Variants in SPIN1 observed in about 807,000 individuals in gnomAD.
The protein encoded by SPIN1 is spindlin 1.
SPIN1 carries 3 observed loss-of-function variants against 26.0 expected under a neutral mutation model. That is an observed-to-expected ratio of 0.12 (90% CI 0.05 to 0.30). The LOEUF (loss-of-function observed/expected upper bound fraction) is 0.30. Ranked by LOEUF, SPIN1 falls within the 10% of genes least tolerant of loss-of-function variation. The pLI is 1.00. For synonymous variants in SPIN1, 101 were observed against 116.5 expected, an observed-to-expected ratio of 0.87 and a Z score of 0.86; for missense variants, 126 against 333.4, an observed-to-expected ratio of 0.38 and a Z score of 4.84.
chr9:88,466,598 C>A (rs979094923), intron 4 of SPIN1, among the ~76,000 whole-genome samples: 1 of 152,130 alleles, frequency 6.6e-6, no homozygotes, highest in African/African-American at 2.4e-5. Context: ...TTAAAACCAG[C>A]CATACATGTT....
chr9:88,466,051 T>A (rs1174963577), intron 4 of SPIN1, among the ~76,000 whole-genome samples: 3 of 152,228 alleles, frequency 2.0e-5, no homozygotes, highest in African/African-American at 4.8e-5. Context: ...TAGGTATTTT[T>A]AAATAAATGT....
intron 2 of SPIN1, among the ~76,000 whole-genome samples, chr9:88,427,986 A>G (rs1827795566): frequency 6.6e-6 from 1 of 152,146 alleles, no homozygotes; most frequent in African/African-American, 2.4e-5. Context: ...GGCACTTTTA[A>G]TAGTGTTATT....
chr9:88,416,036 A>G (rs905323863), intron 1 of SPIN1, among the ~76,000 whole-genome samples: 2 of 151,698 alleles, frequency 1.3e-5, no homozygotes, highest in African/African-American at 4.8e-5. Flanking sequence ...CATTACAGGC[A>G]TGAGCCACCA....
intron 1 of SPIN1, among the ~76,000 whole-genome samples, chr9:88,422,352 A>G (rs1338246711): frequency 6.6e-6 from 1 of 152,208 alleles, no homozygotes; most frequent in Non-Finnish European, 1.5e-5. Flanking sequence ...TTTCATTTAC[A>G]AAGTTAATCA....
At chr9:88,472,930 C>T (rs1828817374) in intron 5 of SPIN1, among the ~76,000 whole-genome samples, 1 of 152,232 alleles carries the variant, frequency 6.6e-6, no homozygotes, top group Non-Finnish European at 1.5e-5. Context: ...TCTTCAAACA[C>T]ATGAATCTCT....
chr9:88,446,837 C>T (rs10121769), intron 2 of SPIN1, among the ~76,000 whole-genome samples: 50,444 of 152,098 alleles, frequency 0.33, 15,783 homozygotes, highest in African/African-American at 0.83. Flanking sequence ...GTTCTTTAGC[C>T]ATTTAAAAAA....
chr9:88,468,191 C>T (rs1828709230), intron 4 of SPIN1, among the ~76,000 whole-genome samples, 181 bp from the exon 5 acceptor site: 1 of 152,106 alleles, frequency 6.6e-6, no homozygotes, highest in South Asian at 2.1e-4. Flanking sequence ...CATCTCTGAG[C>T]TGGGGCCCAG....
chr9:88,468,780 TAAG>T (rs1828720617), intron 5 of SPIN1, among the ~76,000 whole-genome samples, 175 bp downstream of exon 5: 1 of 152,144 alleles, frequency 6.6e-6, no homozygotes, highest in African/African-American at 2.4e-5. Context: ...AAATGTTAGA[TAAG>T]AAAATATTTG....
At chr9:88,434,104 C>T (rs1367866738) in intron 2 of SPIN1, among the ~76,000 whole-genome samples, 1 of 151,930 alleles carries the variant, frequency 6.6e-6, no homozygotes, top group Non-Finnish European at 1.5e-5. Flanking sequence ...AATTTCTAAT[C>T]CAAATGAGCT....
intron 1 of SPIN1, among the ~76,000 whole-genome samples, chr9:88,400,007 T>C (rs1827152718): frequency 6.6e-6 from 1 of 152,162 alleles, no homozygotes; most frequent in Admixed American, 6.5e-5. Flanking sequence ...AGTCCTTAAA[T>C]CCTTAAATGC....
At chr9:88,468,316 A>C (rs1828712096) in intron 4 of SPIN1, 56 bp from the exon 5 acceptor site, 1 of 1,299,572 alleles carries the variant, frequency 7.7e-7, no homozygotes, top group African/African-American at 1.5e-5. Context: ...CAGTCTTCAT[A>C]GTCGGTAATC....
At chr9:88,418,391 C>G (rs1182561331) in intron 1 of SPIN1, among the ~76,000 whole-genome samples, 1 of 151,928 alleles carries the variant, frequency 6.6e-6, no homozygotes, top group African/African-American at 2.4e-5. Context: ...AATTTTTTTT[C>G]TTTTTTGTTT....
At chr9:88,450,670 T>G (rs1283392410) in intron 3 of SPIN1, among the ~76,000 whole-genome samples, 1 of 152,198 alleles carries the variant, frequency 6.6e-6, no homozygotes, top group African/African-American at 2.4e-5. Flanking sequence ...ATTTAGTGCT[T>G]TCACAAGCAT....
intron 2 of SPIN1, among the ~76,000 whole-genome samples, chr9:88,427,859 A>G (rs1337827554): frequency 6.6e-6 from 1 of 152,078 alleles, no homozygotes; most frequent in African/African-American, 2.4e-5. Context: ...TCAGCCTCCC[A>G]AAGTGCTGGG....
intron 2 of SPIN1, among the ~76,000 whole-genome samples, chr9:88,430,067 T>A (rs1185287436): frequency 6.6e-6 from 1 of 152,226 alleles, no homozygotes; most frequent in Non-Finnish European, 1.5e-5. Flanking sequence ...AGACAAATGC[T>A]CTGCTGCTTC....
In SPIN1 at chr9:88,468,372, C is replaced by T. The variant is rs547638675; in HGVS notation, c.356C>T (p.Ala119Val). The T allele has an allele frequency of 2.6e-5, 39 of 1,525,968 alleles. No individual in the cohort carries two copies. The East Asian group carries it at 4.7e-4, about 19-fold the overall frequency. The allele number at this position is 1,525,968 out of a possible 1,614,324, so 94.5% of individuals were successfully genotyped here. ...TTTTTTTTTTTTTTTTAATCCCCAG[C>T]GACATCTCGAATCAGCGATGCACAC... is the stretch of plus-strand genomic sequence containing the variant. ...SALEVLPDRV[A>V]TSRISDAHLA... The change falls in exon 5 of 6, where the codon GCG becomes GTG. Residue 119 changes from alanine to valine, a missense_variant and splice_region_variant. Physicochemically the swap from Ala to Val is moderately conservative, Grantham distance 64. Transcript: ENST00000375859.
intron 5 of SPIN1, among the ~76,000 whole-genome samples, chr9:88,468,975 A>C (rs971574315): frequency 6.6e-6 from 1 of 152,192 alleles, no homozygotes; most frequent in African/African-American, 2.4e-5. Context: ...TTTATCTGTT[A>C]GTCCCCCCAG....
intron 1 of SPIN1, among the ~76,000 whole-genome samples, chr9:88,401,650 A>G (rs1587773166): frequency 6.6e-6 from 1 of 152,382 alleles, no homozygotes; most frequent in East Asian, 1.9e-4. Context: ...TTTGGTACAG[A>G]TGAAACCATC....
At chr9:88,468,663 A>G in intron 5 of SPIN1, 58 bp downstream of exon 5, 1 of 1,103,660 alleles carries the variant, frequency 9.1e-7, no homozygotes, top group Non-Finnish European at 1.2e-6. Context: ...GGACTTCAGT[A>G]CAAGATATTT....
Sources: allele counts gnomAD v4.1 joint callset (sites outside exome capture counted in the v4.1 genomes callset), GRCh38; gene constraint gnomAD v4.1.1; transcripts MANE v1.5; gene names NCBI Gene and HGNC (gene_info 2026-07-23, HGNC 2026-07-21).